The following ATXN2 variants were observed in gnomAD, a reference collection of about 807,000 sequenced individuals.
ATXN2 encodes the protein ataxin-2.
Under a neutral mutation model 138.6 loss-of-function variants are expected in ATXN2, and 37 were observed. That is an observed-to-expected ratio of 0.27 (90% CI 0.21 to 0.35). The LOEUF is 0.35. Among genes scored for constraint, ATXN2 ranks in the 10% least tolerant of loss-of-function variants. The pLI is 1.00. For synonymous variants in ATXN2, 549 were observed against 543.7 expected, an observed-to-expected ratio of 1.01 and a Z score of -0.13; for missense variants, 1,216 against 1,480.3, an observed-to-expected ratio of 0.82 and a Z score of 2.93.
At chr12:111,506,737 C>T (rs1234986183) in intron 14 of ATXN2, among the ~76,000 whole-genome samples, 4 of 151,356 alleles carry the variant, frequency 2.6e-5, no homozygotes, top group Non-Finnish European at 5.9e-5. Context: ...TGTACTGCTG[C>T]CATCTCGGCT....
intron 18 of ATXN2, 115 bp from the exon 19 acceptor site, chr12:111,470,857 C>T: frequency 1.9e-6 from 2 of 1,053,054 alleles, no homozygotes; most frequent in Admixed American, 4.3e-5. Flanking sequence ...TCTCTGATGC[C>T]ATCTCATACC....
At position 111,552,587 on chromosome 12, in the gene ATXN2, A is replaced by G. The variant is rs994085891; in HGVS notation, c.421-157T>C. 1.4e-6 allele frequency: 1 copy of G among 726,906 alleles called. No individual in the cohort carries two copies. Among genetic ancestry groups the G allele is most frequent in the Non-Finnish European group, 2.1e-6 (1 of 479,462 alleles). The allele number at this position is 726,906 out of a possible 1,614,324, so 45.0% of individuals were successfully genotyped here. A position where few individuals can be genotyped will look rare whatever the true frequency, so the allele number is the denominator to read the frequency against. On this transcript the variant is annotated intron_variant, in intron 4 of 24. Coordinates refer to ENST00000673436, the MANE Select transcript of ATXN2 (RefSeq NM_001372574.1). The surrounding 1 kb of genome is among the most constrained non-coding windows in gnomAD (Gnocchi z 4.1). Reference sequence around the variant, plus strand: ...TTCCCAGGCATATGATCTATTATCCATTCCATCATTTAAAAATCCTCATAT... The same window carrying G: ...TTCCCAGGCATATGATCTATTATCCGTTCCATCATTTAAAAATCCTCATAT...
intron 1 of ATXN2, among the ~76,000 whole-genome samples, chr12:111,585,953 G>C (rs1260562287): frequency 1.3e-5 from 2 of 151,980 alleles, no homozygotes; most frequent in Non-Finnish European, 2.9e-5. Flanking sequence ...GCCCAGGCTG[G>C]AGTGCAGTGG....
intron 18 of ATXN2, among the ~76,000 whole-genome samples, chr12:111,481,580 G>A (rs1460423216): frequency 6.6e-6 from 1 of 152,164 alleles, no homozygotes; most frequent in Non-Finnish European, 1.5e-5. Flanking sequence ...AAATGATGCA[G>A]CTGCTTTGGA....
At chr12:111,509,828 A>T in intron 13 of ATXN2, 63 bp downstream of exon 13, 1 of 1,272,944 alleles carries the variant, frequency 7.9e-7, no homozygotes, top group Middle Eastern at 1.9e-4. Flanking sequence ...CTGTATGGGC[A>T]TGAAATTAGA....
chr12:111,469,550 A>G lies in ATXN2; in HGVS notation c.2842+558T>C, dbSNP rs182994883. On this transcript the variant is annotated intron_variant, in intron 20 of 24. Coordinates refer to ENST00000673436, the MANE Select transcript of ATXN2 (RefSeq NM_001372574.1). The stretch of plus-strand genomic sequence containing the variant: ...ATAAAATACTTCTCATTTTCATTTC[A>G]GCATTCTGTTCACATTGGTTATATT... 735 of 152,616 alleles carry G rather than the reference A, an allele frequency of 4.8e-3. 10 individuals are homozygous for G. Among genetic ancestry groups the G allele is most frequent in the African/African-American group, 0.016 (676 of 41,556 alleles). 9.5% of individuals were successfully genotyped at this position (152,616 alleles called of 1,614,324 possible).
intron 1 of ATXN2, among the ~76,000 whole-genome samples, chr12:111,589,913 T>C (rs938438912): frequency 6.6e-6 from 1 of 151,678 alleles, no homozygotes; most frequent in Non-Finnish European, 1.5e-5. Context: ...AGCTAGAACC[T>C]GTCTCAAAAA....
intron 22 of ATXN2, 81 bp from the exon 23 acceptor site, chr12:111,456,337 G>A (rs915518996): frequency 2.1e-6 from 3 of 1,442,820 alleles, no homozygotes; most frequent in Non-Finnish European, 2.9e-6. Context: ...GCTAAGCTTT[G>A]CACACTTGGG....
intron 1 of ATXN2, chr12:111,564,836 A>G (rs1882902370): frequency 6.6e-6 from 1 of 152,246 alleles, no homozygotes; most frequent in South Asian, 2.1e-4. Context: ...CATTTCTGGT[A>G]AAGACTGGAA....
At chr12:111,536,479 G>T (rs1881184234) in intron 5 of ATXN2, among the ~76,000 whole-genome samples, 1 of 152,060 alleles carries the variant, frequency 6.6e-6, no homozygotes, top group South Asian at 2.1e-4. Flanking sequence ...AAAAACATAA[G>T]AAACCTCAGA....
intron 5 of ATXN2, among the ~76,000 whole-genome samples, chr12:111,526,226 CAT>C (rs897985301): frequency 1.3e-5 from 2 of 151,404 alleles, no homozygotes; most frequent in Admixed American, 1.3e-4. Context: ...CATGGTGGCA[CAT>C]GCCTGTAGTC....
At chr12:111,591,385 G>A (rs1315938460) in intron 1 of ATXN2, among the ~76,000 whole-genome samples, 2 of 147,064 alleles carry the variant, frequency 1.4e-5, no homozygotes, top group African/African-American at 2.7e-5. Context: ...AATAAAGGGA[G>A]GGGGCTCGGT....
intron 1 of ATXN2, among the ~76,000 whole-genome samples, chr12:111,572,680 G>C (rs978509516): frequency 6.6e-6 from 1 of 152,106 alleles, no homozygotes; most frequent in African/African-American, 2.4e-5. Flanking sequence ...CCAAGAATTT[G>C]CCTAAAGTCA....
chr12:111,469,949 T>C lies in ATXN2; in HGVS notation c.2842+159A>G, dbSNP rs1876287150. 3.6e-6 allele frequency: 3 copies of C among 843,632 alleles called. No individual in the cohort carries two copies. In the South Asian group the frequency reaches 7.9e-5, roughly 22 times the overall value. 52.3% of individuals were successfully genotyped at this position (843,632 alleles called of 1,614,324 possible). On this transcript the variant is annotated intron_variant, in intron 20 of 24. Transcript: ENST00000673436. ...AGTAGAAACTATTTGCCAAAAGTTA[T>C]AAAGCAAGTCAGGCAAAGAAATGGG... is the stretch of plus-strand genomic sequence containing the variant.
intron 18 of ATXN2, among the ~76,000 whole-genome samples, chr12:111,481,635 G>T (rs545492155): frequency 1.3e-5 from 2 of 152,206 alleles, no homozygotes; most frequent in African/African-American, 4.8e-5. Flanking sequence ...TAGGAGAAAT[G>T]AAAATCTAAG....
chr12:111,499,878 C>T (rs1477675783), intron 14 of ATXN2, among the ~76,000 whole-genome samples: 1 of 152,108 alleles, frequency 6.6e-6, no homozygotes, highest in Admixed American at 6.5e-5. Flanking sequence ...TACTACTGAT[C>T]ACCAGAAAAA....
Position 111,453,005 on chromosome 12 carries a change from G to T in ATXN2, c.3440-165C>A. 2 of 1,250,090 alleles carry T rather than the reference G, an allele frequency of 1.6e-6. 1 individual carries two copies. Among genetic ancestry groups the T allele is most frequent in the East Asian group, 6.8e-5 (2 of 29,598 alleles). The allele number at this position is 1,250,090 out of a possible 1,614,324, so 77.4% of individuals were successfully genotyped here. A position where few individuals can be genotyped will look rare whatever the true frequency, so the allele number is the denominator to read the frequency against. On this transcript the variant is annotated intron_variant, in intron 24 of 24. Transcript: ENST00000673436. This position sits in a 1 kb window ranked among gnomAD's most constrained non-coding sequence, Gnocchi z 5.4. ...ATCTGCACCAAAGTGGGGAGGGTTG[G>T]GTGGGTGGGTAGAAACAAACCAGTC...
intron 1 of ATXN2, among the ~76,000 whole-genome samples, chr12:111,594,973 G>C (rs886624795): frequency 6.6e-6 from 1 of 152,132 alleles, no homozygotes; most frequent in African/African-American, 2.4e-5. Context: ...TAAATCCTCA[G>C]AGGAACCAAA....
chr12:111,456,155 T>C lies in ATXN2; in HGVS notation c.3144A>G (p.Thr1048=). 1 of 1,614,136 alleles carries C rather than the reference T, an allele frequency of 6.2e-7. No homozygotes were observed. The highest frequency in any genetic ancestry group is 8.5e-7 in the Non-Finnish European group (1 of 1,180,014). ...AGLAPTPPSM[T]PASNTQSPQN... Reference sequence around the variant, plus strand: ...GTGGCGACTGCGTGTTGGAGGCAGGTGTCATGGAGGGTGGAGTTGGCGCAA... The same window carrying C: ...GTGGCGACTGCGTGTTGGAGGCAGGCGTCATGGAGGGTGGAGTTGGCGCAA... The change falls in exon 23 of 25, where the codon ACA becomes ACG. Residue 1048 remains threonine, a synonymous_variant. Transcript: ENST00000673436.
Sources: gnomAD v4.1 joint callset for allele counts (sites outside exome capture counted in the v4.1 genomes callset) on GRCh38, gnomAD v4.1.1 for gene constraint, Gnocchi (gnomAD v3.1) non-coding constraint, MANE v1.5 for transcripts, NCBI Gene and HGNC (gene_info 2026-07-23, HGNC 2026-07-21) for gene names.